The following LRRTM4 variants were observed in gnomAD, a reference collection of about 807,000 sequenced individuals.
LRRTM4 encodes the protein leucine rich repeat transmembrane neuronal 4.
In LRRTM4, 25 loss-of-function variants were observed where a neutral mutation model predicts 47.6. The observed-to-expected ratio is 0.53, with a 90% confidence interval of 0.38 to 0.73. The LOEUF (loss-of-function observed/expected upper bound fraction) is 0.73, where lower values mean the gene tolerates loss of function less well. Among genes scored for constraint, LRRTM4 ranks in the 30% least tolerant of loss-of-function variants. The pLI is 0.00. For missense variants in LRRTM4, 638 were observed against 713.4 expected (o/e 0.89, Z 1.20); for synonymous variants, 311 against 269.5 (o/e 1.15, Z -1.51).
At chr2:77,067,686 TACACACACACAC>T (rs3058033) in intron 3 of LRRTM4, among the ~76,000 whole-genome samples, 6 of 140,726 alleles carry the variant, frequency 4.3e-5, no homozygotes, top group Non-Finnish European at 7.6e-5. Context: ...CAAAGATACG[TACACACACACAC>T]ACACACACAC....
intron 3 of LRRTM4, among the ~76,000 whole-genome samples, chr2:77,302,331 C>T (rs1677152212): frequency 6.6e-6 from 1 of 152,100 alleles, no homozygotes; most frequent in African/African-American, 2.4e-5. Context: ...GTAAATAGAT[C>T]TACTTTTTAT....
intron 3 of LRRTM4, among the ~76,000 whole-genome samples, chr2:77,407,072 C>T (rs558608166): frequency 8.6e-4 from 131 of 152,128 alleles, no homozygotes; most frequent in Non-Finnish European, 1.4e-3. Flanking sequence ...TTCCTTACGA[C>T]GAGATTATCG....
At chr2:77,161,070 C>T (rs1420239697) in intron 3 of LRRTM4, among the ~76,000 whole-genome samples, 1 of 152,088 alleles carries the variant, frequency 6.6e-6, no homozygotes, top group African/African-American at 2.4e-5. Context: ...AACAGGGCGC[C>T]AGGCAGCTAT....
At position 76,793,262 on chromosome 2, in the gene LRRTM4, T is replaced by TATCA. The variant is rs557286881; in HGVS notation, c.1552-44350_1552-44347dup. The stretch of plus-strand genomic sequence containing the variant: ...TTCATTGTTCCTTGACCTTTCCCAG[T>TATCA]ATCAGAGTGTTTAGATACCAAGGGT... On this transcript the variant is annotated intron_variant, in intron 3 of 3. Coordinates refer to ENST00000409884, the MANE Select transcript of LRRTM4 (RefSeq NM_001134745.3). Among the ~76,000 whole-genome samples the TATCA allele has an allele frequency of 2.6e-5, 4 of 152,184 alleles. No individual in the cohort carries two copies. In the South Asian group the frequency reaches 8.3e-4, roughly 32 times the overall value.
At chr2:76,985,044 A>C (rs1011794132) in intron 3 of LRRTM4, among the ~76,000 whole-genome samples, 1 of 151,952 alleles carries the variant, frequency 6.6e-6, no homozygotes, top group Non-Finnish European at 1.5e-5. Flanking sequence ...TAAAGTATTA[A>C]TTTTCTTTGT....
In LRRTM4 at chr2:77,465,898, CAGGGA is replaced by C. The variant is rs1302008698; in HGVS notation, c.1551+52415_1551+52419del. On this transcript the variant is annotated intron_variant, in intron 3 of 3. Coordinates refer to ENST00000409884, the MANE Select transcript of LRRTM4 (RefSeq NM_001134745.3). The stretch of plus-strand genomic sequence containing the variant: ...GATTCCTATTACAGAAAAATACATA[CAGGGA>C]GCTGGCACCTAGGTAATGATAAAAG... Among the ~76,000 whole-genome samples, 1,203 of 152,218 alleles carry C rather than the reference CAGGGA, an allele frequency of 7.9e-3. 5 individuals are homozygous for C. Among genetic ancestry groups the C allele is most frequent in the Non-Finnish European group, 0.012 (787 of 67,996 alleles).
chr2:77,237,630 C>T (rs1675140186), intron 3 of LRRTM4, among the ~76,000 whole-genome samples: 1 of 151,652 alleles, frequency 6.6e-6, no homozygotes, highest in African/African-American at 2.4e-5. Flanking sequence ...TTTACACCCA[C>T]ATATAGGTTC....
intron 3 of LRRTM4, among the ~76,000 whole-genome samples, chr2:77,481,269 G>A (rs1439873261): frequency 6.6e-6 from 1 of 152,176 alleles, no homozygotes; most frequent in Non-Finnish European, 1.5e-5. Flanking sequence ...ATTTTAGAGA[G>A]GAGGAAACTG....
At chr2:77,081,489 AT>A (rs1372329380) in intron 3 of LRRTM4, among the ~76,000 whole-genome samples, 5 of 152,142 alleles carry the variant, frequency 3.3e-5, no homozygotes, top group African/African-American at 4.8e-5. Context: ...ATTTAAATAA[AT>A]GTGTAAGAAA....
chr2:77,208,684 G>C (rs543012144), intron 3 of LRRTM4, among the ~76,000 whole-genome samples: 49 of 152,234 alleles, frequency 3.2e-4, no homozygotes, highest in African/African-American at 8.9e-4. Flanking sequence ...TGGGGAAAAT[G>C]ACTGCTTGAG....
chr2:77,206,793 T>A (rs1027384192), intron 3 of LRRTM4, among the ~76,000 whole-genome samples: 3 of 152,154 alleles, frequency 2.0e-5, no homozygotes, highest in Non-Finnish European at 4.4e-5. Flanking sequence ...ACAAAACTTA[T>A]AAATTTTAAT....
intron 3 of LRRTM4, among the ~76,000 whole-genome samples, chr2:77,304,188 C>T (rs1054636477): frequency 6.6e-6 from 1 of 152,072 alleles, no homozygotes; most frequent in Non-Finnish European, 1.5e-5. Flanking sequence ...CTCTGCATTT[C>T]CCTCATCATT....
chr2:77,060,564 GATT>G (rs1220559214), intron 3 of LRRTM4, among the ~76,000 whole-genome samples: 1 of 152,018 alleles, frequency 6.6e-6, no homozygotes, highest in Admixed American at 6.6e-5. Context: ...AAAAACATGG[GATT>G]ATAATAGATA....
At chr2:76,757,411 C>T (rs950848979) in intron 3 of LRRTM4, among the ~76,000 whole-genome samples, 1 of 151,998 alleles carries the variant, frequency 6.6e-6, no homozygotes, top group African/African-American at 2.4e-5. Flanking sequence ...ATGAGGTGCC[C>T]AGAGAGTTGA....
intron 3 of LRRTM4, among the ~76,000 whole-genome samples, chr2:77,071,558 A>C (rs1479093636): frequency 6.6e-6 from 1 of 152,194 alleles, no homozygotes; most frequent in South Asian, 2.1e-4. Flanking sequence ...ATAGCAATAA[A>C]TTATAATTAT....
chr2:77,452,809 T>G (rs544133782), intron 3 of LRRTM4, among the ~76,000 whole-genome samples: 2 of 152,162 alleles, frequency 1.3e-5, no homozygotes, highest in African/African-American at 4.8e-5. Flanking sequence ...ATGGCTTTTT[T>G]AGTCAAGATT....
chr2:77,136,020 G>A (rs529712400), intron 3 of LRRTM4, among the ~76,000 whole-genome samples: 40 of 152,096 alleles, frequency 2.6e-4, no homozygotes, highest in Middle Eastern at 3.4e-3. Context: ...TTAACATGGC[G>A]GCGGTTCCAA....
intron 3 of LRRTM4, among the ~76,000 whole-genome samples, chr2:77,217,677 T>G (rs369641502): frequency 6.6e-6 from 1 of 151,606 alleles, no homozygotes; most frequent in Non-Finnish European, 1.5e-5. Flanking sequence ...GGTTTCTTTA[T>G]TTTCTAAGTT....
chr2:77,206,320 A>C (rs1338241498), intron 3 of LRRTM4, among the ~76,000 whole-genome samples: 2 of 151,736 alleles, frequency 1.3e-5, no homozygotes, highest in Non-Finnish European at 2.9e-5. Context: ...CTGGGACCAC[A>C]AGCACATGCC....
Sources: allele counts gnomAD v4.1 joint callset (sites outside exome capture counted in the v4.1 genomes callset), GRCh38; gene constraint gnomAD v4.1.1; transcripts MANE v1.5; gene names NCBI Gene and HGNC (gene_info 2026-07-23, HGNC 2026-07-21).